Variants in NLRC5 observed in about 807,000 individuals in gnomAD.
NLRC5 encodes the protein NLR family CARD domain containing 5.
A neutral mutation model predicts 206.9 loss-of-function variants in NLRC5; 114 were observed. The ratio of observed to expected loss-of-function variants is 0.55; its 90% confidence interval spans 0.47 to 0.64. The LOEUF is 0.64. Among genes scored for constraint, NLRC5 ranks in the 30% least tolerant of loss-of-function variants. NLRC5 has a pLI of 0.00. For synonymous variants in NLRC5, 952 were observed against 962.8 expected (o/e 0.99, Z 0.21); for missense variants, 2,008 against 2,305.5 (o/e 0.87, Z 2.64).
chr16:57,071,528 G>T (rs2067768062), intron 38 of NLRC5, among the ~76,000 whole-genome samples: 1 of 143,072 alleles, frequency 7.0e-6, no homozygotes. Flanking sequence ...GTGAGTGAGT[G>T]GTGGGGTTGG....
At chr16:57,048,538 AT>A (rs375826164) in intron 23 of NLRC5, among the ~76,000 whole-genome samples, 19 of 148,288 alleles carry the variant, frequency 1.3e-4, no homozygotes, top group South Asian at 4.3e-4. Flanking sequence ...GACCTACACT[AT>A]TTTTTTTTTC....
At chr16:57,068,855 C>T (rs527767686) in intron 36 of NLRC5, among the ~76,000 whole-genome samples, 1 of 152,326 alleles carries the variant, frequency 6.6e-6, no homozygotes, top group Admixed American at 6.5e-5. Context: ...CCTTCTTTGT[C>T]TTTCATAGCA....
intron 13 of NLRC5, 35 bp downstream of exon 13, chr16:57,034,286 G>A (rs913674528): frequency 1.2e-5 from 19 of 1,586,230 alleles, no homozygotes; most frequent in Non-Finnish European, 1.4e-5. Context: ...GTAGGAGCCA[G>A]GAAAGGAGGT....
chr16:57,054,726 C>T (rs376976217), intron 24 of NLRC5, 25 bp from the exon 25 acceptor site: 22 of 1,602,256 alleles, frequency 1.4e-5, no homozygotes, highest in African/African-American at 9.4e-5. Flanking sequence ...CTCATCTTGC[C>T]GGATCTACCC....
Position 57,068,371 on chromosome 16 carries a change from C to G in NLRC5, c.4499+543C>G, listed in dbSNP as rs8045711. The stretch of plus-strand genomic sequence containing the variant: ...GCTTGAACCCGGGAGGCTGAGGTTA[C>G]AGTGAGCCAAGATTGTGCCACTGCA... On this transcript the variant is annotated intron_variant, in intron 36 of 48. Coordinates refer to ENST00000688547, the MANE Select transcript of NLRC5 (RefSeq NM_001384950.1). Among the ~76,000 whole-genome samples the G allele has an allele frequency of 3.7e-3, 562 of 151,030 alleles. 4 individuals are homozygous for G. The highest frequency in any genetic ancestry group is 0.013 in the African/African-American group (546 of 41,124).
chr16:57,016,376 G>C (rs2060108539), intron 1 of NLRC5, among the ~76,000 whole-genome samples: 1 of 152,182 alleles, frequency 6.6e-6, no homozygotes, highest in Non-Finnish European at 1.5e-5. Flanking sequence ...TTTGTCTAAA[G>C]TCATGGAACT....
chr16:57,015,326 C>T (rs2059933084), intron 1 of NLRC5, among the ~76,000 whole-genome samples: 1 of 152,208 alleles, frequency 6.6e-6, no homozygotes, highest in African/African-American at 2.4e-5. Context: ...TACCATCACA[C>T]TGGGTATTTA....
At chr16:57,010,927 T>G (rs2059420392) in intron 1 of NLRC5, among the ~76,000 whole-genome samples, 1 of 151,928 alleles carries the variant, frequency 6.6e-6, no homozygotes, top group Admixed American at 6.6e-5. Context: ...AATGTGCACA[T>G]TAAAAAGTTT....
chr16:57,078,163 C>T, intron 43 of NLRC5, 143 bp downstream of exon 43: 1 of 615,328 alleles, frequency 1.6e-6, no homozygotes, highest in East Asian at 3.1e-5. Context: ...CCTGTTCCTT[C>T]CCTGCCTCTG....
In NLRC5 at chr16:57,077,756, C is replaced by T. The variant is rs758682958; in HGVS notation, c.4957C>T (p.Gln1653Ter). ...GNSISSAGGV[Q>*]LAESLVLCRR... is the part of the protein sequence containing the mutation. ...TAGCATCAGCTCAGCCGGGGGAGTG[C>T]AGTTGGCAGAGTCTCTCGTTCTTTG... The change falls in exon 42 of 49, where the codon CAG (glutamine) becomes TAG (stop). Residue 1653 changes from glutamine (Q) to a stop codon, truncating the protein, a stop_gained. Transcript: ENST00000688547. LOFTEE classifies it high-confidence loss of function. The T allele has an allele frequency of 1.6e-5, 26 of 1,604,288 alleles. No homozygotes were observed. The highest frequency in any genetic ancestry group is 2.2e-5 in the Non-Finnish European group (26 of 1,174,206).
At chr16:56,995,643 T>C (rs1364515970) in intron 1 of NLRC5, among the ~76,000 whole-genome samples, 2 of 152,238 alleles carry the variant, frequency 1.3e-5, no homozygotes, top group East Asian at 3.9e-4. Context: ...GAACCCCTTG[T>C]CCTGCACGGT....
rs1433547616 is a variant in NLRC5, at chr16:57,030,062, A to G, written c.2395A>G (p.Thr799Ala). The part of the protein sequence containing the change: ...CLARVAVTCP[T>A]VRMLQAREAD... ...GGCAAGGGTGGCAGTCACGTGTCCTACCGTCAGGATGCTTCAGGCCAGGTG... is the reference window on the plus strand; with the variant it reads ...GGCAAGGGTGGCAGTCACGTGTCCTGCCGTCAGGATGCTTCAGGCCAGGTG... Residue 799 changes from threonine (T) to alanine (A), a missense_variant, in exon 10 of 49, where the codon ACC becomes GCC. Physicochemically the swap from Thr to Ala is moderately conservative, Grantham distance 58. Transcript: ENST00000688547. 1 of 1,613,910 alleles carries G rather than the reference A, an allele frequency of 6.2e-7. No homozygotes were observed. Among genetic ancestry groups the G allele is most frequent in the African/African-American group, 1.3e-5 (1 of 74,870 alleles).
chr16:56,993,643 G>A (rs2057235177), intron 1 of NLRC5, among the ~76,000 whole-genome samples: 1 of 152,120 alleles, frequency 6.6e-6, no homozygotes, highest in Admixed American at 6.5e-5. Flanking sequence ...GAACAATGGT[G>A]TGTTTTTTAT....
chr16:57,077,168 G>T, intron 40 of NLRC5, 128 bp from the exon 41 acceptor site: 1 of 812,528 alleles, frequency 1.2e-6, no homozygotes. Flanking sequence ...CACTCAACAT[G>T]GGGTGATGGG....
intron 23 of NLRC5, chr16:57,047,842 T>C: frequency 1.7e-6 from 1 of 593,294 alleles, no homozygotes. Flanking sequence ...GGAGATGCTG[T>C]GCTGGACTGG....
Position 57,025,913 on chromosome 16 carries a change from G to C in NLRC5, c.970G>C (p.Val324Leu). ...TATGGGTCCTGATGGCCCAGGCCCA[G>C]TCCTCACCCTTTTCTCCCATCTCTG... ...QPMGPDGPGP[V>L]LTLFSHLCNG... The change falls in exon 6 of 49, where the codon GTC becomes CTC. Residue 324 changes from valine (V) to leucine (L), a missense_variant. Physicochemically the swap from Val to Leu is conservative, Grantham distance 32. Coordinates refer to ENST00000688547, the MANE Select transcript of NLRC5 (RefSeq NM_001384950.1). 6.2e-7 allele frequency: 1 copy of C among 1,614,202 alleles called. No individual in the cohort carries two copies. Among genetic ancestry groups the C allele is most frequent in the Non-Finnish European group, 8.5e-7 (1 of 1,180,042 alleles).
intron 1 of NLRC5, among the ~76,000 whole-genome samples, chr16:56,993,964 T>TA (rs11392865): frequency 0.15 from 20,425 of 137,372 alleles, 1,597 homozygotes; most frequent in South Asian, 0.25. Flanking sequence ...CTGTTTTTTG[T>TA]AAAAAAAAAA....
Position 57,025,642 on chromosome 16 carries a change from C to G in NLRC5, c.699C>G (p.Gly233=), listed in dbSNP as rs1240080549. ...VTVLLGKAGM[G]KTTLAHRLCQ... is the part of the protein sequence containing the mutation. Reference sequence around the variant, plus strand: ...TGCTTTTGGGGAAGGCTGGCATGGGCAAGACCACGCTGGCCCACCGGCTCT... The same window carrying G: ...TGCTTTTGGGGAAGGCTGGCATGGGGAAGACCACGCTGGCCCACCGGCTCT... The change falls in exon 6 of 49, where the codon GGC becomes GGG. Residue 233 remains glycine (G), a synonymous_variant. Coordinates refer to ENST00000688547, the MANE Select transcript of NLRC5 (RefSeq NM_001384950.1). 3.1e-6 allele frequency: 5 copies of G among 1,614,004 alleles called. No individual in the cohort carries two copies. The African/African-American group carries it at 6.7e-5, about 22-fold the overall frequency.
At chr16:57,060,036 A>G (rs1443564247) in intron 30 of NLRC5, among the ~76,000 whole-genome samples, 11 of 126,076 alleles carry the variant, frequency 8.7e-5, no homozygotes, top group Non-Finnish European at 1.5e-4. Context: ...TATTATTATT[A>G]TTATTATTAT....
Sources: allele counts gnomAD v4.1 joint callset (sites outside exome capture counted in the v4.1 genomes callset), GRCh38; gene constraint gnomAD v4.1.1; transcripts MANE v1.5; gene names NCBI Gene and HGNC (gene_info 2026-07-23, HGNC 2026-07-21).